Variants in TBC1D14 observed in about 807,000 individuals in gnomAD.
TBC1D14 encodes the protein TBC1 domain family member 14.
TBC1D14 carries 26 observed loss-of-function variants against 79.0 expected under a neutral mutation model. The observed-to-expected ratio is 0.33, with a 90% CI of 0.24 to 0.46. TBC1D14 has a LOEUF of 0.46. TBC1D14 is among the 20% of genes least tolerant of loss of function. The probability of loss-of-function intolerance (pLI) is 1.00; values close to 1 mark genes in which losing one functional copy is unlikely to be tolerated. For synonymous variants in TBC1D14, 394 were observed against 349.9 expected (o/e 1.13, Z -1.40); for missense variants, 769 against 887.6 (o/e 0.87, Z 1.70).
At chr4:6,912,489 T>C (rs1255379199) in intron 1 of TBC1D14, among the ~76,000 whole-genome samples, 3 of 152,230 alleles carry the variant, frequency 2.0e-5, no homozygotes, top group Non-Finnish European at 4.4e-5. Context: ...GGGACTGATC[T>C]GCTTGGCTAG....
At chr4:6,930,149 G>A (rs1711595851) in intron 2 of TBC1D14, among the ~76,000 whole-genome samples, 1 of 152,222 alleles carries the variant, frequency 6.6e-6, no homozygotes, top group Non-Finnish European at 1.5e-5. Flanking sequence ...AGCGAGCAGA[G>A]CTCTAAGCCG....
intron 2 of TBC1D14, among the ~76,000 whole-genome samples, chr4:6,938,979 G>C (rs1038474353): frequency 5.4e-4 from 83 of 152,302 alleles, no homozygotes; most frequent in South Asian, 6.2e-4. Context: ...AGGCTCTGTG[G>C]GCTGGCCTGA....
At chr4:6,972,671 C>T (rs535074677) in intron 3 of TBC1D14, among the ~76,000 whole-genome samples, 4 of 151,958 alleles carry the variant, frequency 2.6e-5, no homozygotes, top group East Asian at 1.9e-4. Context: ...TATCTAGAAG[C>T]GGAAAAGAGG....
At chr4:6,981,729 C>T (rs540055850) in intron 3 of TBC1D14, among the ~76,000 whole-genome samples, 15 of 152,318 alleles carry the variant, frequency 9.8e-5, no homozygotes, top group Non-Finnish European at 1.6e-4. Context: ...GTTTGAAAAT[C>T]GATCAGTGTC....
rs141072427 is a variant in TBC1D14, at chr4:6,944,248, G to A, written c.722+20137G>A. 3.9e-3 allele frequency among the ~76,000 whole-genome samples: 595 copies of A among 152,214 alleles called. 13 individuals are homozygous for A. Among genetic ancestry groups the A allele is most frequent in the Admixed American group, 0.036 (550 of 15,294 alleles). ...TGCTGTTTCCATCGTTTGGTGTCCT[G>A]CTTTTCTACGTAGAGGAAACATTTC... On this transcript the variant is annotated intron_variant, in intron 2 of 13. Coordinates refer to ENST00000409757, the MANE Select transcript of TBC1D14 (RefSeq NM_020773.3).
chr4:7,014,275 A>G (rs1362337870), intron 11 of TBC1D14, among the ~76,000 whole-genome samples, 173 bp from the exon 12 acceptor site: 2 of 152,230 alleles, frequency 1.3e-5, no homozygotes, highest in Non-Finnish European at 2.9e-5. Context: ...AAGATTAGAA[A>G]TAGTGCTTGT....
chr4:6,909,781 G>GA (rs1560232141), upstream of TBC1D14: 1 of 148,520 alleles, frequency 6.7e-6, no homozygotes, highest in Non-Finnish European at 1.5e-5. Context: ...GGGGCGGGGC[G>GA]AAGCGAGGGT....
chr4:6,991,684 C>G (rs1008286458), intron 3 of TBC1D14, among the ~76,000 whole-genome samples: 1 of 152,098 alleles, frequency 6.6e-6, no homozygotes, highest in Non-Finnish European at 1.5e-5. Flanking sequence ...GCAGCCCCTT[C>G]GGGGGGCTGG....
chr4:6,943,273 A>G (rs1713089962), intron 2 of TBC1D14, among the ~76,000 whole-genome samples: 1 of 152,220 alleles, frequency 6.6e-6, no homozygotes, highest in Non-Finnish European at 1.5e-5. Context: ...GCCCAGGACA[A>G]CGAGGAAATG....
At chr4:6,911,659 C>T (rs1487741016) in intron 1 of TBC1D14, among the ~76,000 whole-genome samples, 1 of 152,232 alleles carries the variant, frequency 6.6e-6, no homozygotes, top group South Asian at 2.1e-4. Flanking sequence ...TCCTGTCTTT[C>T]ATGCCTCCAC....
intron 3 of TBC1D14, among the ~76,000 whole-genome samples, chr4:6,976,491 C>T (rs944361117): frequency 8.5e-5 from 13 of 152,126 alleles, no homozygotes; most frequent in East Asian, 1.9e-4. Flanking sequence ...CATCAGAAAC[C>T]GTGGAGGCCA....
At chr4:6,961,680 G>A (rs1176105491) in intron 2 of TBC1D14, among the ~76,000 whole-genome samples, 1 of 152,292 alleles carries the variant, frequency 6.6e-6, no homozygotes. Context: ...GGGCTGGCGT[G>A]GTCCACTTGT....
intron 12 of TBC1D14, among the ~76,000 whole-genome samples, chr4:7,019,014 C>A (rs1486911327): frequency 1.3e-5 from 2 of 152,030 alleles, no homozygotes; most frequent in African/African-American, 4.8e-5. Flanking sequence ...CCTGGAGTTT[C>A]CATCTTTTTT....
intron 1 of TBC1D14, among the ~76,000 whole-genome samples, chr4:6,917,103 G>A (rs1723467457): frequency 6.6e-6 from 1 of 152,192 alleles, no homozygotes; most frequent in Admixed American, 6.5e-5. Context: ...CTTGATGGTA[G>A]GGGATTTCTT....
intron 3 of TBC1D14, among the ~76,000 whole-genome samples, chr4:6,971,435 T>A (rs1716221412): frequency 6.6e-6 from 1 of 152,270 alleles, no homozygotes; most frequent in Non-Finnish European, 1.5e-5. Flanking sequence ...CGGATTTTAT[T>A]CTAACTGGGC....
chr4:6,995,030 C>T (rs1718871938), intron 4 of TBC1D14, among the ~76,000 whole-genome samples: 1 of 152,148 alleles, frequency 6.6e-6, no homozygotes, highest in Admixed American at 6.5e-5. Context: ...AACTGGCGGA[C>T]TCTCCTGCAA....
intron 12 of TBC1D14, among the ~76,000 whole-genome samples, chr4:7,015,896 ATG>A (rs1188300183): frequency 6.6e-6 from 1 of 152,216 alleles, no homozygotes; most frequent in Non-Finnish European, 1.5e-5. Context: ...GAAGTAAAGA[ATG>A]TACTATTCGA....
At chr4:7,024,488 G>C (rs1332710886) in intron 12 of TBC1D14, among the ~76,000 whole-genome samples, 3 of 152,198 alleles carry the variant, frequency 2.0e-5, no homozygotes, top group African/African-American at 7.2e-5. Context: ...TTGCCGGACA[G>C]GGCACTAGAT....
At chr4:6,933,517 G>A in intron 2 of TBC1D14, among the ~76,000 whole-genome samples, 1 of 151,576 alleles carries the variant, frequency 6.6e-6, no homozygotes, top group Non-Finnish European at 1.5e-5. Flanking sequence ...TGTTGCCCAG[G>A]CTGGTCTCGA....
Sources: allele counts gnomAD v4.1 joint callset (sites outside exome capture counted in the v4.1 genomes callset), GRCh38; gene constraint gnomAD v4.1.1; transcripts MANE v1.5; gene names NCBI Gene and HGNC (gene_info 2026-07-23, HGNC 2026-07-21).